Variants in KDM4C observed in about 807,000 individuals in gnomAD.
KDM4C encodes lysine demethylase 4C.
A neutral mutation model predicts 129.3 loss-of-function variants in KDM4C; 81 were observed. That is an observed-to-expected ratio of 0.63 (90% CI 0.52 to 0.75). KDM4C has a LOEUF of 0.75. Among genes scored for constraint, KDM4C ranks in the 30% least tolerant of loss-of-function variants. The probability of loss-of-function intolerance (pLI) is 0.00; values close to 1 mark genes in which losing one functional copy is unlikely to be tolerated. For missense variants in KDM4C, 1,457 were observed against 1,304.0 expected (o/e 1.12, Z -1.81); for synonymous variants, 573 against 456.1 (o/e 1.26, Z -3.26).
chr9:7,066,037 T>C (rs1055197897), intron 17 of KDM4C, among the ~76,000 whole-genome samples: 11 of 152,006 alleles, frequency 7.2e-5, no homozygotes, highest in African/African-American at 2.4e-4. Flanking sequence ...CATAAAAATA[T>C]TTCTGTCACA....
intron 21 of KDM4C, among the ~76,000 whole-genome samples, chr9:7,173,322 G>C (rs1043694888): frequency 2.6e-5 from 4 of 152,236 alleles, no homozygotes; most frequent in African/African-American, 9.6e-5. Flanking sequence ...CCTGAGCCAG[G>C]CAAGTATGAC....
chr9:7,131,513 T>C (rs2133373854), intron 19 of KDM4C, among the ~76,000 whole-genome samples: 1 of 152,100 alleles, frequency 6.6e-6, no homozygotes, highest in Admixed American at 6.5e-5. Flanking sequence ...AGATGGGGTC[T>C]CACCATGTTG....
At chr9:6,789,682 T>G (rs1826166118) in intron 1 of KDM4C, among the ~76,000 whole-genome samples, 1 of 151,662 alleles carries the variant, frequency 6.6e-6, no homozygotes, top group African/African-American at 2.4e-5. Flanking sequence ...CAGATGCTTC[T>G]AAAGGACTGT....
intron 17 of KDM4C, among the ~76,000 whole-genome samples, chr9:7,052,871 G>C (rs991990039): frequency 4.8e-5 from 1 of 20,936 alleles, no homozygotes; most frequent in Admixed American, 5.8e-4. Context: ...TGCAGAGAGA[G>C]AGAGAGAGAG....
At chr9:7,171,154 A>C (rs925450272) in intron 21 of KDM4C, among the ~76,000 whole-genome samples, 1 of 152,150 alleles carries the variant, frequency 6.6e-6, no homozygotes, top group African/African-American at 2.4e-5. Context: ...TGCATCCTTC[A>C]GAGGAAGGTC....
chr9:7,002,342 T>A (rs566157607), intron 12 of KDM4C, among the ~76,000 whole-genome samples: 8 of 152,324 alleles, frequency 5.3e-5, no homozygotes, highest in African/African-American at 1.4e-4. Flanking sequence ...AATTTATAAT[T>A]GTATAAATTT....
Position 6,877,696 on chromosome 9 carries a change from G to C in KDM4C, c.630-2316G>C, listed in dbSNP as rs184206853. On this transcript the variant is annotated intron_variant, in intron 5 of 21. Coordinates refer to ENST00000381309, the MANE Select transcript of KDM4C (RefSeq NM_015061.6). ...TGCTTCTTGACTGCTGAGTGGGGTA[G>C]TGCTCTGATTTTATTGTTCATGGCA... Among the ~76,000 whole-genome samples, 79 of 152,322 alleles carry C rather than the reference G, an allele frequency of 5.2e-4. 1 individual carries two copies. The highest frequency in any genetic ancestry group is 3.7e-3 in the Admixed American group (57 of 15,302).
Position 6,849,780 on chromosome 9 carries a change from C to A in KDM4C, c.629+80C>A, listed in dbSNP as rs868767490. 5 of 1,175,836 alleles carry A rather than the reference C, an allele frequency of 4.3e-6. No homozygotes were observed. In the African/African-American group the frequency reaches 4.6e-5, roughly 11 times the overall value. 72.8% of individuals were successfully genotyped at this position (1,175,836 alleles called of 1,614,324 possible). On this transcript the variant is annotated intron_variant, in intron 5 of 21. Transcript: ENST00000381309. ...GGCACATATTGAAGAGGATTTTGTT[C>A]TTTGATTTGGTGGATTCAGATTTAT...
At chr9:6,803,590 G>A (rs944884950) in intron 2 of KDM4C, among the ~76,000 whole-genome samples, 1 of 149,778 alleles carries the variant, frequency 6.7e-6, no homozygotes, top group Non-Finnish European at 1.5e-5. Flanking sequence ...AAAAAAGTTT[G>A]TTTTAAAAAA....
upstream of KDM4C, chr9:6,757,647 G>A: frequency 2.0e-6 from 2 of 985,508 alleles, no homozygotes; most frequent in Non-Finnish European, 2.4e-6. Flanking sequence ...GGCCGCCATA[G>A]GTGCGCGTCG....
chr9:6,899,115 A>G (rs1450474902), intron 8 of KDM4C, among the ~76,000 whole-genome samples: 1 of 151,166 alleles, frequency 6.6e-6, no homozygotes, highest in Non-Finnish European at 1.5e-5. Context: ...TTCTGATGGT[A>G]CAGTGTAACA....
intron 18 of KDM4C, among the ~76,000 whole-genome samples, chr9:7,113,410 TC>T (rs1332270520): frequency 2.6e-5 from 4 of 152,262 alleles, no homozygotes; most frequent in Admixed American, 2.0e-4. Flanking sequence ...ATAAAATTTT[TC>T]TTAATTTTGC....
intron 19 of KDM4C, among the ~76,000 whole-genome samples, chr9:7,153,230 C>T (rs1264403357): frequency 2.0e-5 from 3 of 152,100 alleles, no homozygotes; most frequent in African/African-American, 7.2e-5. Flanking sequence ...GGTGAGCCAC[C>T]ATGCCCAGCC....
intron 5 of KDM4C, among the ~76,000 whole-genome samples, chr9:6,857,804 G>C (rs1200381310): frequency 6.7e-6 from 1 of 150,264 alleles, no homozygotes; most frequent in Admixed American, 6.7e-5. Flanking sequence ...GCTCAGATTG[G>C]AGTGCAGTGG....
chr9:6,801,620 T>G (rs1474986387), intron 2 of KDM4C, among the ~76,000 whole-genome samples: 1 of 147,186 alleles, frequency 6.8e-6, no homozygotes, highest in African/African-American at 2.5e-5. Context: ...GCAGATATGC[T>G]CTCTCTCTCT....
chr9:6,748,650 G>A (rs1383396270), intron 1 of KDM4C: 18 of 953,528 alleles, frequency 1.9e-5, no homozygotes, highest in South Asian at 6.4e-5. Flanking sequence ...GACAAAGGAC[G>A]TCTAAAAACA....
upstream of KDM4C, chr9:6,757,763 G>T (rs1043152326): frequency 1.9e-5 from 19 of 985,616 alleles, no homozygotes; most frequent in Non-Finnish European, 2.2e-5. Context: ...CTCCTTCTAC[G>T]CGAGTATCTT....
chr9:7,106,000 T>C (rs1319789154), intron 18 of KDM4C, among the ~76,000 whole-genome samples: 1 of 152,186 alleles, frequency 6.6e-6, no homozygotes, highest in Non-Finnish European at 1.5e-5. Context: ...CTTTTCCTGA[T>C]GAGGGAACAA....
At chr9:7,154,601 T>C (rs1358281870) in intron 19 of KDM4C, among the ~76,000 whole-genome samples, 1 of 152,142 alleles carries the variant, frequency 6.6e-6, no homozygotes, top group Non-Finnish European at 1.5e-5. Context: ...TTTTTCCTTT[T>C]AGTTGATGGA....
Sources: gnomAD v4.1 joint callset for allele counts (sites outside exome capture counted in the v4.1 genomes callset) on GRCh38, gnomAD v4.1.1 for gene constraint, MANE v1.5 for transcripts, NCBI Gene and HGNC (gene_info 2026-07-23, HGNC 2026-07-21) for gene names.